TAF6L: variants seen among roughly 807,000 people sequenced by gnomAD.
The protein encoded by TAF6L is TATA-box binding protein associated factor 6 like.
TAF6L carries 34 observed loss-of-function variants against 57.3 expected under a neutral mutation model. The observed-to-expected ratio is 0.59, with a 90% CI of 0.45 to 0.79. The LOEUF (loss-of-function observed/expected upper bound fraction) is 0.79. TAF6L is among the 30% of genes least tolerant of loss of function. The probability of loss-of-function intolerance (pLI) is 0.00; values close to 1 mark genes in which losing one functional copy is unlikely to be tolerated. For synonymous variants in TAF6L, 417 were observed against 376.3 expected (o/e 1.11, Z -1.25); for missense variants, 782 against 853.2 (o/e 0.92, Z 1.04).
At chr11:62,785,831 G>C (rs2084269484) in intron 9 of TAF6L, among the ~76,000 whole-genome samples, 1 of 152,240 alleles carries the variant, frequency 6.6e-6, no homozygotes, top group African/African-American at 2.4e-5. Flanking sequence ...CACAGCGCCT[G>C]TCCAATCACA....
intron 1 of TAF6L, among the ~76,000 whole-genome samples, chr11:62,773,902 G>A (rs2084167315): frequency 6.6e-6 from 1 of 152,132 alleles, no homozygotes; most frequent in Non-Finnish European, 1.5e-5. Context: ...GGAGGAGAGA[G>A]TTCCAAGTGG....
At chr11:62,785,225 A>G (rs1590938479) in intron 9 of TAF6L, among the ~76,000 whole-genome samples, 1 of 149,320 alleles carries the variant, frequency 6.7e-6, no homozygotes, top group Non-Finnish European at 1.5e-5. Flanking sequence ...AGAGTCTCAC[A>G]CTGTCACCCA....
At chr11:62,786,464 A>T (rs754174702) in intron 10 of TAF6L, 53 bp from the exon 11 acceptor site, 5 of 1,593,068 alleles carry the variant, frequency 3.1e-6, no homozygotes, top group Non-Finnish European at 4.3e-6. Context: ...GGAATATTTG[A>T]TGGGCCCAGG....
chr11:62,782,428 A>T, intron 8 of TAF6L, 95 bp downstream of exon 8: 2 of 1,348,504 alleles, frequency 1.5e-6, no homozygotes, highest in Non-Finnish European at 2.0e-6. Flanking sequence ...TTGAGAGTCT[A>T]TGAGAAGATG....
rs1235568201 is a variant in TAF6L, at chr11:62,786,672, TG to T, written c.1248del (p.Ser417ProfsTer19). The T allele has an allele frequency of 3.7e-6, 6 of 1,611,758 alleles. No individual in the cohort carries two copies. The Admixed American group carries it at 1.0e-4, about 27-fold the overall frequency. On this transcript the variant is annotated frameshift_variant, in exon 11 of 11. Coordinates refer to ENST00000294168, the MANE Select transcript of TAF6L (RefSeq NM_006473.4). LOFTEE classifies it high-confidence loss of function. ...CCGGGGGCGGTGCAGAACCCAGCTT[TG>T]GGTCCGGCCTCCCGCTGCCGCCAGG... ...SSGGGAEPSF[G>X]SGLPLPPGGA...
Position 62,779,952 on chromosome 11 carries a change from CTATATA to C in TAF6L, c.531+1009_531+1014del, listed in dbSNP as rs1225374367. On this transcript the variant is annotated intron_variant, in intron 6 of 10. Coordinates refer to ENST00000294168, the MANE Select transcript of TAF6L (RefSeq NM_006473.4). ...AAGTGGTGGGATTACAGGCGTGAGC[CTATATA>C]TATATATATATATATATATTTTTTT... Among the ~76,000 whole-genome samples, 456 of 100,010 alleles carry C rather than the reference CTATATA, an allele frequency of 4.6e-3. 14 individuals carry two copies. The highest frequency in any genetic ancestry group is 0.02 in the African/African-American group (441 of 22,392). The allele number at this position is 100,010 out of a possible 152,430, so 65.6% of individuals were successfully genotyped here.
intron 6 of TAF6L, among the ~76,000 whole-genome samples, chr11:62,779,976 A>ATTTTTTTTT (rs1277954265): frequency 1.9e-4 from 10 of 52,622 alleles, no homozygotes; most frequent in African/African-American, 3.9e-4. Context: ...ATATATATAT[A>ATTTTTTTTT]TTTTTTTTTT....
At position 62,778,000 on chromosome 11, in the gene TAF6L, A is replaced by T. The variant is rs1172765111; in HGVS notation, c.257A>T (p.Gln86Leu). 3.7e-6 allele frequency: 6 copies of T among 1,614,030 alleles called. No individual in the cohort carries two copies. The Admixed American group carries it at 6.7e-5, about 18-fold the overall frequency. ...SVEAVCGYGS[Q>L]EALPMRPARE... ...CAGGCTGTGTGTGGTTACGGATCAC[A>T]GGAGGCACTGCCCATGCGCCCCGCC... is the stretch of plus-strand genomic sequence containing the variant. Residue 86 changes from glutamine (Q) to leucine (L), a missense_variant, in exon 4 of 11, where the codon CAG becomes CTG. Around this residue, in one of 3 missense-constraint regions of TAF6L, gnomAD observed 220 missense variants for 252.1 expected, o/e 0.87. Transcript: ENST00000294168.
At chr11:62,775,738 G>T in intron 1 of TAF6L, 33 bp from the exon 2 acceptor site, 1 of 1,572,734 alleles carries the variant, frequency 6.4e-7, no homozygotes, top group Non-Finnish European at 8.6e-7. Flanking sequence ...GGGAGGCTGG[G>T]CAGCTTTTCC....
At chr11:62,775,676 A>G in intron 1 of TAF6L, 95 bp from the exon 2 acceptor site, 1 of 1,388,482 alleles carries the variant, frequency 7.2e-7, no homozygotes, top group East Asian at 2.3e-5. Flanking sequence ...ACTCCAGAGC[A>G]CGAGCAGCAA....
intron 9 of TAF6L, 76 bp from the exon 10 acceptor site, chr11:62,786,184 T>G: frequency 6.5e-7 from 1 of 1,534,752 alleles, no homozygotes; most frequent in Non-Finnish European, 8.9e-7. Flanking sequence ...TAAAGGTAGG[T>G]CTTTCATGGG....
chr11:62,781,836 G>A (rs947925940), intron 6 of TAF6L, 58 bp from the exon 7 acceptor site: 72 of 1,388,718 alleles, frequency 5.2e-5, no homozygotes, highest in East Asian at 3.2e-4. Flanking sequence ...GAAGAATACC[G>A]CATTCATGTT....
At chr11:62,777,020 G>A (rs1354622801) in intron 3 of TAF6L, among the ~76,000 whole-genome samples, 2 of 151,854 alleles carry the variant, frequency 1.3e-5, no homozygotes, top group Non-Finnish European at 2.9e-5. Flanking sequence ...GGCGGTGGGC[G>A]CCTGTAACCC....
chr11:62,771,888 A>G (rs2084150599), intron 1 of TAF6L: 1 of 309,826 alleles, frequency 3.2e-6, no homozygotes, highest in Non-Finnish European at 6.4e-6. Flanking sequence ...AGATAGGGAA[A>G]CTGCAGCTTC....
chr11:62,782,600 G>T, intron 8 of TAF6L, 93 bp from the exon 9 acceptor site: 1 of 1,547,154 alleles, frequency 6.5e-7, no homozygotes, highest in Non-Finnish European at 8.8e-7. Context: ...TCCCGAGTGT[G>T]CTGTACAGAT....
Position 62,782,274 on chromosome 11 carries a change from C to G in TAF6L, c.768C>G (p.Pro256=). The change falls in exon 8 of 11, where the codon CCC becomes CCG. Residue 256 remains proline (P), a synonymous_variant. Coordinates refer to ENST00000294168, the MANE Select transcript of TAF6L (RefSeq NM_006473.4). ...VLEPLAASIN[P]LNDHWTLRDG... ...AGCCACTGGCTGCCTCCATCAACCCCCTGAATGACCACTGGACTCTGCGGG... is the reference window on the plus strand; with the variant it reads ...AGCCACTGGCTGCCTCCATCAACCCGCTGAATGACCACTGGACTCTGCGGG... 6.2e-7 allele frequency: 1 copy of G among 1,614,194 alleles called. No homozygotes were observed. Among genetic ancestry groups the G allele is most frequent in the South Asian group, 1.1e-5 (1 of 91,084 alleles).
intron 9 of TAF6L, among the ~76,000 whole-genome samples, chr11:62,783,172 G>A (rs1017947950): frequency 2.6e-5 from 4 of 152,182 alleles, no homozygotes; most frequent in Admixed American, 6.6e-5. Context: ...ATTATCAAAT[G>A]ATTATACGCT....
intron 9 of TAF6L, among the ~76,000 whole-genome samples, chr11:62,783,407 G>A (rs1472053618): frequency 2.0e-5 from 3 of 151,912 alleles, no homozygotes; most frequent in Admixed American, 6.6e-5. Flanking sequence ...GCGTGAACCC[G>A]GGAGGCGGAG....
chr11:62,782,515 C>G, intron 8 of TAF6L, 178 bp from the exon 9 acceptor site: 5 of 1,064,036 alleles, frequency 4.7e-6, no homozygotes, highest in Non-Finnish European at 6.7e-6. Context: ...TACAAATACG[C>G]CAAGGTATTG....
Sources: allele counts gnomAD v4.1 joint callset (sites outside exome capture counted in the v4.1 genomes callset), GRCh38; gene constraint gnomAD v4.1.1; regional missense constraint gnomAD v4.1.1; transcripts MANE v1.5; gene names NCBI Gene and HGNC (gene_info 2026-07-23, HGNC 2026-07-21).